Variants in ZDHHC24 observed in about 807,000 individuals in gnomAD.
ZDHHC24 encodes the protein probable palmitoyltransferase ZDHHC24.
In ZDHHC24, 17 loss-of-function variants were observed where a neutral mutation model predicts 23.2. That is an observed-to-expected ratio of 0.73 (90% CI 0.50 to 1.10). The LOEUF (loss-of-function observed/expected upper bound fraction) is 1.10. Ranked by LOEUF, ZDHHC24 falls within the 50% of genes least tolerant of loss-of-function variation. The probability of loss-of-function intolerance (pLI) is 0.00; values close to 1 mark genes in which losing one functional copy is unlikely to be tolerated. For synonymous variants in ZDHHC24, 186 were observed against 194.5 expected, an observed-to-expected ratio of 0.96 and a Z score of 0.36; for missense variants, 366 against 393.0, an observed-to-expected ratio of 0.93 and a Z score of 0.58.
Position 66,545,613 on chromosome 11 carries a change from C to CT in ZDHHC24, c.281+109dup, listed in dbSNP as rs1857291134. On this transcript the variant is annotated intron_variant, in intron 1 of 2. Coordinates refer to ENST00000310442, the MANE Select transcript of ZDHHC24 (RefSeq NM_207340.3). This position sits in a 1 kb window ranked among gnomAD's most constrained non-coding sequence, Gnocchi z 4.5. ...CCAGGTTCTAAAAAAATGTCTGATT[C>CT]TAACAACCTGGATCCTAATGTAACC... 1 of 1,271,492 alleles carries CT rather than the reference C, an allele frequency of 7.9e-7. No individual in the cohort carries two copies. Among genetic ancestry groups the CT allele is most frequent in the Non-Finnish European group, 1.0e-6 (1 of 966,220 alleles). 78.8% of individuals were successfully genotyped at this position (1,271,492 alleles called of 1,614,324 possible).
chr11:66,522,666 CAATA>C (rs1856295790), intron 4 of ZDHHC24, among the ~76,000 whole-genome samples: 1 of 152,162 alleles, frequency 6.6e-6, no homozygotes, highest in African/African-American at 2.4e-5. Flanking sequence ...TTTTTTAATT[CAATA>C]AATATTTATT....
chr11:66,521,122 C>G (rs1039501099), exon 5 of ZDHHC24: 17 of 708,750 alleles, frequency 2.4e-5, no homozygotes, highest in Non-Finnish European at 4.3e-5. Flanking sequence ...CCCCAAGTTT[C>G]CCTCCTGAAA....
exon 5 of ZDHHC24, chr11:66,521,279 C>T: frequency 6.2e-7 from 1 of 1,614,036 alleles, no homozygotes. Flanking sequence ...GATGAGCCTT[C>T]CCAGCGTCCC....
chr11:66,543,654 C>A, intron 2 of ZDHHC24, 50 bp downstream of exon 2: 2 of 1,510,406 alleles, frequency 1.3e-6, no homozygotes, highest in Non-Finnish European at 1.8e-6. Context: ...TACTCCCCAG[C>A]CCAATACCAG....
At chr11:66,521,444 C>A in exon 5 of ZDHHC24, 1 of 1,266,850 alleles carries the variant, frequency 7.9e-7, no homozygotes, top group Non-Finnish European at 1.1e-6. Flanking sequence ...CAGAGGCTTG[C>A]AAGATGAGAG....
downstream of ZDHHC24, chr11:66,533,730 G>C (rs1469381444): frequency 6.6e-6 from 1 of 152,166 alleles, no homozygotes; most frequent in African/African-American, 2.4e-5. Flanking sequence ...TTCATCCCCT[G>C]CTTCACTGAG....
intron 2 of ZDHHC24, among the ~76,000 whole-genome samples, chr11:66,541,511 C>T (rs1857150370): frequency 1.3e-5 from 2 of 152,212 alleles, no homozygotes; most frequent in East Asian, 1.9e-4. Context: ...GGGAGAAGCC[C>T]AGGCTGGACA....
chr11:66,539,852 G>A, intron 2 of ZDHHC24, 28 bp from the exon 3 acceptor site: 2 of 1,548,452 alleles, frequency 1.3e-6, no homozygotes, highest in Admixed American at 1.9e-5. Flanking sequence ...AGAGGGTCAG[G>A]GAGGGGCAGT....
chr11:66,522,568 G>A (rs996646367), intron 4 of ZDHHC24, among the ~76,000 whole-genome samples: 24 of 151,988 alleles, frequency 1.6e-4, no homozygotes, highest in Non-Finnish European at 2.9e-4. Flanking sequence ...GGCTGGTCTC[G>A]AACGCCTGAC....
intron 4 of ZDHHC24, chr11:66,526,717 C>G: frequency 6.2e-7 from 1 of 1,614,178 alleles, no homozygotes; most frequent in East Asian, 2.2e-5. Context: ...TGAGGTGGGT[C>G]CCCCACCAGC....
At position 66,540,178 on chromosome 11, in the gene ZDHHC24, G is replaced by T. The variant is rs552620259; in HGVS notation, c.560-354C>A. 3.3e-5 allele frequency among the ~76,000 whole-genome samples: 5 copies of T among 152,106 alleles called. No homozygotes were observed. The East Asian group carries it at 9.6e-4, about 29-fold the overall frequency. On this transcript the variant is annotated intron_variant, in intron 2 of 2. Transcript: ENST00000310442. The stretch of plus-strand genomic sequence containing the variant: ...CACACCTGTAATCCCAGCACTTTGG[G>T]GGGGCGAAGCAGATAGATCACCTGA...
chr11:66,540,868 C>T (rs1044232903), intron 2 of ZDHHC24, among the ~76,000 whole-genome samples: 1 of 151,984 alleles, frequency 6.6e-6, no homozygotes, highest in African/African-American at 2.4e-5. Flanking sequence ...GTGAGAGAAG[C>T]CAGGCACCAA....
chr11:66,539,753 C>T lies in ZDHHC24; in HGVS notation c.631G>A (p.Gly211Arg), dbSNP rs369575648. The T allele has an allele frequency of 7.4e-5, 120 of 1,612,738 alleles. No individual in the cohort carries two copies. The highest frequency in any genetic ancestry group is 9.9e-5 in the Non-Finnish European group (117 of 1,179,692). ...DTCVAGALLCGAGLLFHGMLL... is the reference protein window; with the variant it reads ...DTCVAGALLCRAGLLFHGMLL... The stretch of plus-strand genomic sequence containing the variant: ...ATCCCATGGAAGAGCAGCCCAGCCC[C>T]GCACAGCAGCGCACCCGCCACGCAC... The change falls in exon 3 of 3, where the codon GGG (glycine) becomes AGG (arginine). Residue 211 changes from glycine to arginine, a missense_variant. Gly to Arg is a moderately radical substitution (Grantham distance 125). Transcript: ENST00000310442.
Position 66,523,294 on chromosome 11 carries a change from A to C in ZDHHC24, c.*22-1828T>G, listed in dbSNP as rs888537312. On this transcript the variant is annotated intron_variant, in intron 4 of 4. Coordinates refer to the ZDHHC24 transcript ENST00000526986. ...GACACACTTGATGTTTTCCAAGGCC[A>C]CACATTTACTAAGGTGGCAGAAGTG... 7 of 977,822 alleles carry C rather than the reference A, an allele frequency of 7.2e-6. No individual in the cohort carries two copies. In the Admixed American group the frequency reaches 1.3e-4, roughly 18 times the overall value. The allele number at this position is 977,822 out of a possible 1,614,324, so 60.6% of individuals were successfully genotyped here. A position where few individuals can be genotyped will look rare whatever the true frequency, so the allele number is the denominator to read the frequency against.
intron 3 of ZDHHC24, among the ~76,000 whole-genome samples, chr11:66,528,480 C>G (rs1856614886): frequency 6.6e-6 from 1 of 152,120 alleles, no homozygotes; most frequent in South Asian, 2.1e-4. Context: ...AAAATGAACT[C>G]AAGCTGTGGG....
chr11:66,543,849 G>A lies in ZDHHC24; in HGVS notation c.414C>T (p.Pro138=), dbSNP rs1461376031. ...GRCVGFGNYR[P]FLCLLLHAAG... is the part of the protein sequence containing the mutation. ...CGGCATGAAGCAGCAGGCACAGGAA[G>A]GGCCGGTAGTTGCCGAAGCCCACGC... Residue 138 remains proline (P), a synonymous_variant, in exon 2 of 3, where the codon CCC becomes CCT. Coordinates refer to ENST00000310442, the MANE Select transcript of ZDHHC24 (RefSeq NM_207340.3). 6.2e-7 allele frequency: 1 copy of A among 1,613,786 alleles called. No homozygotes were observed.
chr11:66,544,243 C>T lies in ZDHHC24; in HGVS notation c.282-262G>A, dbSNP rs190229332. ...AAGCCACTGACATCCAGCAGCAAAT[C>T]CCTCCCTTCCTCCACGGTCACCCCT... is the stretch of plus-strand genomic sequence containing the variant. On this transcript the variant is annotated intron_variant, in intron 1 of 2. Coordinates refer to ENST00000310442, the MANE Select transcript of ZDHHC24 (RefSeq NM_207340.3). 2.6e-5 allele frequency among the ~76,000 whole-genome samples: 4 copies of T among 152,228 alleles called. No homozygotes were observed. The East Asian group carries it at 5.8e-4, about 22-fold the overall frequency.
intron 2 of ZDHHC24, among the ~76,000 whole-genome samples, chr11:66,543,239 C>T (rs1262436734): frequency 6.6e-6 from 1 of 152,086 alleles, no homozygotes; most frequent in Non-Finnish European, 1.5e-5. Flanking sequence ...GGGCCTTCTC[C>T]TGCCTGTCAC....
At chr11:66,542,203 A>G (rs1275436401) in intron 2 of ZDHHC24, among the ~76,000 whole-genome samples, 1 of 152,028 alleles carries the variant, frequency 6.6e-6, no homozygotes, top group Non-Finnish European at 1.5e-5. Flanking sequence ...TAGCAAGCTT[A>G]CAAGCAAACG....
Sources: gnomAD v4.1 joint callset for allele counts (sites outside exome capture counted in the v4.1 genomes callset) on GRCh38, gnomAD v4.1.1 for gene constraint, Gnocchi (gnomAD v3.1) non-coding constraint, MANE v1.5 for transcripts, NCBI Gene and HGNC (gene_info 2026-07-23, HGNC 2026-07-21) for gene names.